Variants in DNAJC5B observed in about 807,000 individuals in gnomAD.
DNAJC5B encodes the protein DnaJ heat shock protein family (Hsp40) member C5 beta.
In DNAJC5B, 23 loss-of-function variants were observed where a neutral mutation model predicts 24.7. The observed-to-expected ratio is 0.93, with a 90% CI of 0.67 to 1.32. DNAJC5B has a LOEUF of 1.32. Among genes scored for constraint, DNAJC5B ranks in the 40% most tolerant of loss-of-function variants. The pLI is 0.00. For synonymous variants in DNAJC5B, 101 were observed against 90.1 expected (o/e 1.12, Z -0.68); for missense variants, 238 against 240.8 (o/e 0.99, Z 0.08).
At chr8:66,071,000 T>A (rs2128962877) in intron 3 of DNAJC5B, among the ~76,000 whole-genome samples, 1 of 152,306 alleles carries the variant, frequency 6.6e-6, no homozygotes, top group African/African-American at 2.4e-5. Flanking sequence ...GCTAACCATA[T>A]GCAGAAAACT....
At chr8:66,018,245 G>A (rs577581118), upstream of DNAJC5B, among the ~76,000 whole-genome samples, 15 of 152,268 alleles carry the variant, frequency 9.9e-5, no homozygotes, top group Non-Finnish European at 1.5e-4. Flanking sequence ...TCAGCCGGGC[G>A]CAGTGGCTCA....
intron 1 of DNAJC5B, among the ~76,000 whole-genome samples, chr8:66,038,200 CACCTAACAGGTT>C (rs1369656832): frequency 1.3e-5 from 2 of 152,236 alleles, no homozygotes; most frequent in Non-Finnish European, 2.9e-5. Flanking sequence ...CACATGATCA[CACCTAACAGGTT>C]ACCTTTCTTA....
At chr8:66,045,031 A>G (rs770577932) in intron 2 of DNAJC5B, among the ~76,000 whole-genome samples, 2 of 152,166 alleles carry the variant, frequency 1.3e-5, no homozygotes, top group Non-Finnish European at 2.9e-5. Flanking sequence ...AAAGGTTTCA[A>G]TGTATTACTC....
At chr8:66,057,837 C>G (rs1288078645) in intron 3 of DNAJC5B, 2 of 152,092 alleles carry the variant, frequency 1.3e-5, no homozygotes, top group Non-Finnish European at 2.9e-5. Context: ...CTATATTTCA[C>G]GAGTGAATGG....
At chr8:66,069,504 ACCAGGAAGAAGTCGAAT>A (rs1271832385) in intron 3 of DNAJC5B, among the ~76,000 whole-genome samples, 2 of 152,202 alleles carry the variant, frequency 1.3e-5, no homozygotes, top group Non-Finnish European at 2.9e-5. Flanking sequence ...CAAAGTCTAA[ACCAGGAAGAAGTCGAAT>A]CCCTGAATAA....
At chr8:66,049,434 T>C (rs1033465416) in intron 2 of DNAJC5B, among the ~76,000 whole-genome samples, 1 of 152,222 alleles carries the variant, frequency 6.6e-6, no homozygotes, top group Non-Finnish European at 1.5e-5. Context: ...CACACTACAT[T>C]TTTACGGTAC....
intron 1 of DNAJC5B, among the ~76,000 whole-genome samples, chr8:66,042,621 T>G (rs975747090): frequency 6.7e-6 from 1 of 149,992 alleles, no homozygotes; most frequent in Non-Finnish European, 1.5e-5. Flanking sequence ...CTTCTTCTTC[T>G]TCTCCTTCTC....
At chr8:66,016,574 A>T (rs78868594), upstream of DNAJC5B, among the ~76,000 whole-genome samples, 1,434 of 152,294 alleles carry the variant, frequency 9.4e-3, 27 homozygotes, top group African/African-American at 0.033. Flanking sequence ...GTCTTTCTTC[A>T]TAGCAGCGTG....
At chr8:66,043,050 T>C (rs1021148599) in intron 1 of DNAJC5B, among the ~76,000 whole-genome samples, 1 of 152,164 alleles carries the variant, frequency 6.6e-6, no homozygotes, top group Non-Finnish European at 1.5e-5. Flanking sequence ...GTATGGACAT[T>C]AGCAAGAGAT....
intron 1 of DNAJC5B, 139 bp from the exon 2 acceptor site, chr8:66,043,349 T>A (rs1806654301): frequency 6.6e-6 from 1 of 152,204 alleles, no homozygotes; most frequent in African/African-American, 2.4e-5. Flanking sequence ...AGTTCCTCAG[T>A]GGTGTTTGGT....
chr8:66,048,902 A>T (rs1456700724), intron 2 of DNAJC5B, among the ~76,000 whole-genome samples: 1 of 152,198 alleles, frequency 6.6e-6, no homozygotes, highest in Non-Finnish European at 1.5e-5. Context: ...AATACCTAAT[A>T]TGTGCCAAGC....
chr8:66,095,559 T>C (rs752174945), intron 5 of DNAJC5B, among the ~76,000 whole-genome samples: 33 of 151,816 alleles, frequency 2.2e-4, no homozygotes, highest in Non-Finnish European at 4.3e-4. Flanking sequence ...TCTAACTTCT[T>C]AATTTTTGTA....
At chr8:66,061,958 G>A (rs961270204) in intron 3 of DNAJC5B, among the ~76,000 whole-genome samples, 2 of 151,600 alleles carry the variant, frequency 1.3e-5, no homozygotes, top group Admixed American at 6.6e-5. Flanking sequence ...GCAGCCTGTG[G>A]GGGCGCAGCC....
intron 5 of DNAJC5B, among the ~76,000 whole-genome samples, chr8:66,094,902 G>A (rs55640054): frequency 0.082 from 12,533 of 152,016 alleles, 872 homozygotes; most frequent in African/African-American, 0.18. Context: ...GATGAATTAT[G>A]TGAATTGGTT....
chr8:66,074,600 C>T (rs1207180497), intron 3 of DNAJC5B, among the ~76,000 whole-genome samples: 1 of 152,182 alleles, frequency 6.6e-6, no homozygotes, highest in Non-Finnish European at 1.5e-5. Context: ...TATTATGTCA[C>T]TTTAAGTATC....
At chr8:66,052,930 T>A (rs1307286025) in intron 3 of DNAJC5B, among the ~76,000 whole-genome samples, 1 of 151,952 alleles carries the variant, frequency 6.6e-6, no homozygotes, top group African/African-American at 2.4e-5. Context: ...GCTTGTTTGT[T>A]TAGAGTTAGG....
intron 3 of DNAJC5B, among the ~76,000 whole-genome samples, chr8:66,055,514 T>A (rs777662813): frequency 2.0e-5 from 3 of 152,220 alleles, no homozygotes; most frequent in Non-Finnish European, 2.9e-5. Flanking sequence ...AGATAATCTT[T>A]CATTTGATTA....
intron 5 of DNAJC5B, among the ~76,000 whole-genome samples, chr8:66,097,623 C>T (rs1807982705): frequency 2.0e-5 from 3 of 151,514 alleles, no homozygotes. Flanking sequence ...TAAATTGGGT[C>T]TGCAGTTAGA....
intron 3 of DNAJC5B, among the ~76,000 whole-genome samples, chr8:66,068,142 C>A (rs1455472696): frequency 6.6e-6 from 1 of 152,098 alleles, no homozygotes; most frequent in Non-Finnish European, 1.5e-5. Flanking sequence ...CAAATTATTT[C>A]TTAAATATGT....
Sources: gnomAD v4.1 joint callset for allele counts (sites outside exome capture counted in the v4.1 genomes callset) on GRCh38, gnomAD v4.1.1 for gene constraint, MANE v1.5 for transcripts, NCBI Gene and HGNC (gene_info 2026-07-23, HGNC 2026-07-21) for gene names.